Variants in IL1RAPL1 observed in about 807,000 individuals in gnomAD.
IL1RAPL1 encodes interleukin-1 receptor accessory protein-like 1.
In IL1RAPL1, 3 loss-of-function variants were observed where a neutral mutation model predicts 48.4. That is an observed-to-expected ratio of 0.06 (90% CI 0.03 to 0.16). The LOEUF is 0.16. Ranked by LOEUF, IL1RAPL1 falls within the 10% of genes least tolerant of loss-of-function variation. IL1RAPL1 has a pLI of 1.00. For synonymous variants in IL1RAPL1, 185 were observed against 187.7 expected, an observed-to-expected ratio of 0.99 and a Z score of 0.12; for missense variants, 349 against 530.6, an observed-to-expected ratio of 0.66 and a Z score of 3.36.
intron 5 of IL1RAPL1, among the ~76,000 whole-genome samples, chrX:29,416,674 A>C (rs778694137): frequency 8.9e-6 from 1 of 112,258 alleles, no homozygotes; most frequent in East Asian, 2.8e-4. Context: ...AATGAGTTTC[A>C]TGAGGATTTA....
intron 3 of IL1RAPL1, among the ~76,000 whole-genome samples, chrX:29,371,899 C>T (rs1471094800): frequency 1.8e-5 from 2 of 111,932 alleles, no homozygotes; most frequent in Admixed American, 9.5e-5. Flanking sequence ...TGGTGATGAA[C>T]ATATAAGTGC....
intron 3 of IL1RAPL1, among the ~76,000 whole-genome samples, chrX:29,295,145 G>A (rs1215443426): frequency 8.9e-6 from 1 of 111,964 alleles, no homozygotes; most frequent in Non-Finnish European, 1.9e-5. Flanking sequence ...AAAAATCCAT[G>A]AGAGATGATA....
intron 3 of IL1RAPL1, among the ~76,000 whole-genome samples, chrX:29,284,218 C>A (rs1017651961): frequency 2.7e-5 from 3 of 111,988 alleles, no homozygotes; most frequent in African/African-American, 9.7e-5. Flanking sequence ...ACTCCTCTGT[C>A]ATAAATATCA....
chrX:29,008,436 A>T (rs1926041856), intron 2 of IL1RAPL1, among the ~76,000 whole-genome samples: 1 of 111,789 alleles, frequency 8.9e-6, no homozygotes, highest in African/African-American at 3.2e-5. Context: ...TCGGCCTCCC[A>T]AAGTGTTGGG....
intron 5 of IL1RAPL1, among the ~76,000 whole-genome samples, chrX:29,621,485 TA>T (rs1169294143): frequency 9.0e-6 from 1 of 111,131 alleles, no homozygotes; most frequent in Non-Finnish European, 1.9e-5. Flanking sequence ...TCTTTGAGAA[TA>T]AGTCTAGGTC....
chrX:29,758,731 C>A (rs183116348), intron 6 of IL1RAPL1, among the ~76,000 whole-genome samples: 80 of 110,155 alleles, frequency 7.3e-4, no homozygotes, highest in African/African-American at 2.2e-3. Context: ...TACAAATTTT[C>A]TCTCATTCAT....
chrX:28,613,410 T>A (rs1934176056), intron 1 of IL1RAPL1, among the ~76,000 whole-genome samples: 2 of 112,692 alleles, frequency 1.8e-5, no homozygotes, highest in Non-Finnish European at 3.7e-5. Context: ...AATCCCCTGG[T>A]GAGTTTTCTA....
At chrX:29,584,787 C>A (rs145838548) in intron 5 of IL1RAPL1, among the ~76,000 whole-genome samples, 1,130 of 111,823 alleles carry the variant, frequency 0.01, 4 homozygotes, top group Non-Finnish European at 0.016. Flanking sequence ...CTCCTGGACT[C>A]AAGCTATCAT....
chrX:29,937,952 G>A (rs1025903277), intron 8 of IL1RAPL1, among the ~76,000 whole-genome samples: 1 of 111,589 alleles, frequency 9.0e-6, no homozygotes, highest in Admixed American at 9.6e-5. Flanking sequence ...CATTCTCTAA[G>A]CATATATAAC....
chrX:29,229,669 G>C (rs1931155817), intron 2 of IL1RAPL1, among the ~76,000 whole-genome samples: 1 of 112,105 alleles, frequency 8.9e-6, no homozygotes, highest in Non-Finnish European at 1.9e-5. Context: ...CGTTCACACT[G>C]CCTGCTGTCA....
chrX:28,860,616 C>A, intron 2 of IL1RAPL1, among the ~76,000 whole-genome samples: 1 of 109,236 alleles, frequency 9.2e-6, no homozygotes, highest in Non-Finnish European at 1.9e-5. Context: ...CACCACCACA[C>A]CCGGCTAATT....
In IL1RAPL1 at chrX:29,955,778, G is replaced by A. The variant is rs147134400; in HGVS notation, c.2049G>A (p.Pro683=). The A allele has an allele frequency of 3.4e-4, 417 of 1,208,908 alleles. 2 individuals are homozygous for A. In the African/African-American group the frequency reaches 5.6e-3, roughly 16 times the overall value. The change falls in exon 11 of 11, where the codon CCG becomes CCA. Residue 683 remains proline, a synonymous_variant. Coordinates refer to ENST00000378993, the MANE Select transcript of IL1RAPL1 (RefSeq NM_014271.4). ...DEAHTNSAIL[P]LLPRETSISS... is the part of the protein sequence containing the mutation. ...CCCACACAAACAGTGCCATCCTGCC[G>A]CTGTTGCCAAGGGAGACCAGTATAT... is the stretch of plus-strand genomic sequence containing the variant.
At chrX:29,551,481 G>C (rs1164135484) in intron 5 of IL1RAPL1, among the ~76,000 whole-genome samples, 2 of 111,540 alleles carry the variant, frequency 1.8e-5, no homozygotes, top group African/African-American at 6.5e-5. Context: ...TCCATGAAAG[G>C]CATCTTTAAA....
chrX:29,872,371 T>A (rs1931815810), intron 6 of IL1RAPL1, among the ~76,000 whole-genome samples: 1 of 111,520 alleles, frequency 9.0e-6, no homozygotes, highest in African/African-American at 3.3e-5. Flanking sequence ...AGAAAGCAGC[T>A]CATTGAGGCA....
chrX:28,969,369 TCTCATTCTCAAGAGACTTGG>T, intron 2 of IL1RAPL1, among the ~76,000 whole-genome samples: 1 of 111,308 alleles, frequency 9.0e-6, no homozygotes, highest in East Asian at 2.8e-4. Context: ...TGATTTTTAG[TCTCATTCTCAAGAGACTTGG>T]AAATGTAAAT....
chrX:29,177,751 G>A (rs939353935), intron 2 of IL1RAPL1, among the ~76,000 whole-genome samples: 5 of 110,231 alleles, frequency 4.5e-5, no homozygotes, highest in Non-Finnish European at 9.5e-5. Flanking sequence ...CCCAGCCCCC[G>A]ACCCCATGAC....
chrX:29,093,495 A>G (rs902403964), intron 2 of IL1RAPL1, among the ~76,000 whole-genome samples: 1 of 111,677 alleles, frequency 9.0e-6, no homozygotes, highest in African/African-American at 3.3e-5. Flanking sequence ...TGGTGGGGAC[A>G]TAGATCCAAA....
intron 2 of IL1RAPL1, among the ~76,000 whole-genome samples, chrX:29,137,512 A>G (rs765492915): frequency 8.9e-6 from 1 of 112,086 alleles, no homozygotes; most frequent in South Asian, 3.7e-4. Context: ...AACCACATTT[A>G]TCAGGTGGTA....
At chrX:29,846,502 T>C (rs1051692989) in intron 6 of IL1RAPL1, among the ~76,000 whole-genome samples, 3 of 110,609 alleles carry the variant, frequency 2.7e-5, no homozygotes, top group Non-Finnish European at 5.7e-5. Context: ...ATGTTATTTT[T>C]CTAACATGAT....
Sources: gnomAD v4.1 joint callset for allele counts (sites outside exome capture counted in the v4.1 genomes callset) on GRCh38, gnomAD v4.1.1 for gene constraint, MANE v1.5 for transcripts, NCBI Gene and HGNC (gene_info 2026-07-23, HGNC 2026-07-21) for gene names.